NDUFA12: variants seen among roughly 807,000 people sequenced by gnomAD.
NDUFA12 encodes the protein NADH:ubiquinone oxidoreductase subunit A12.
A neutral mutation model predicts 20.3 loss-of-function variants in NDUFA12; 17 were observed. The observed-to-expected ratio is 0.84, with a 90% confidence interval of 0.57 to 1.26. NDUFA12 has a LOEUF of 1.26. Ranked by LOEUF, NDUFA12 falls within the 50% of genes most tolerant of loss-of-function variation. The pLI is 0.00. For synonymous variants in NDUFA12, 72 were observed against 63.6 expected (o/e 1.13, Z -0.63); for missense variants, 191 against 183.7 (o/e 1.04, Z -0.23).
At position 94,971,828 on chromosome 12, in the gene NDUFA12, T is replaced by C. The variant is rs778637412; in HGVS notation, c.258-208A>G. ...ATGGTATAAACATAAAAGGAGATAA[T>C]AGACATAAAGCACATAGAAAAATTC... On this transcript the variant is annotated intron_variant, in intron 3 of 3. Coordinates refer to ENST00000327772, the MANE Select transcript of NDUFA12 (RefSeq NM_018838.5). The C allele has an allele frequency of 4.4e-5, 33 of 749,778 alleles. No individual in the cohort carries two copies. In the Admixed American group the frequency reaches 5.0e-4, roughly 11 times the overall value. 46.4% of individuals were successfully genotyped at this position (749,778 alleles called of 1,614,324 possible).
chr12:94,978,727 G>A (rs993913537), intron 3 of NDUFA12, among the ~76,000 whole-genome samples: 8 of 152,130 alleles, frequency 5.3e-5, no homozygotes, highest in Admixed American at 1.3e-4. Context: ...TATGCAAAAA[G>A]TAATTCAATT....
chr12:94,985,976 TC>T (rs1874423205), intron 3 of NDUFA12, among the ~76,000 whole-genome samples: 1 of 151,990 alleles, frequency 6.6e-6, no homozygotes, highest in African/African-American at 2.4e-5. Context: ...TCCTAGCTAC[TC>T]AGGAGGCTGA....
intron 3 of NDUFA12, among the ~76,000 whole-genome samples, chr12:94,980,746 A>G (rs1300140136): frequency 6.6e-6 from 1 of 152,168 alleles, no homozygotes; most frequent in Non-Finnish European, 1.5e-5. Context: ...AAATGAACAG[A>G]AAGTGCCACC....
chr12:95,000,290 A>G (rs1331695599), intron 2 of NDUFA12, among the ~76,000 whole-genome samples: 1 of 152,174 alleles, frequency 6.6e-6, no homozygotes, highest in East Asian at 1.9e-4. Flanking sequence ...ATGCCAAGGT[A>G]TAAGAATGAT....
chr12:95,002,345 G>A (rs1417492335), intron 2 of NDUFA12, among the ~76,000 whole-genome samples: 1 of 150,314 alleles, frequency 6.7e-6, no homozygotes, highest in African/African-American at 2.5e-5. Flanking sequence ...GGCAGGCTGA[G>A]GCAGGAGAAT....
chr12:94,987,020 G>A (rs1874467128), intron 3 of NDUFA12, among the ~76,000 whole-genome samples: 4 of 152,110 alleles, frequency 2.6e-5, no homozygotes, highest in Admixed American at 2.6e-4. Context: ...ACCTCAAAGT[G>A]TCTCCCCACA....
intron 2 of NDUFA12, among the ~76,000 whole-genome samples, chr12:95,002,194 C>A (rs1211835622): frequency 6.6e-6 from 1 of 151,074 alleles, no homozygotes; most frequent in South Asian, 2.1e-4. Flanking sequence ...GTAATCCCAG[C>A]ACTTTGGGGG....
At chr12:94,978,726 AG>A (rs1218572802) in intron 3 of NDUFA12, among the ~76,000 whole-genome samples, 13 of 152,354 alleles carry the variant, frequency 8.5e-5, no homozygotes, top group African/African-American at 3.1e-4. Context: ...TTATGCAAAA[AG>A]TAATTCAATT....
At position 94,971,769 on chromosome 12, in the gene NDUFA12, A is replaced by G. The variant is rs765528906; in HGVS notation, c.258-149T>C. 4.5e-6 allele frequency: 4 copies of G among 884,224 alleles called. No individual in the cohort carries two copies. The Admixed American group carries it at 6.8e-5, about 15-fold the overall frequency. The allele number at this position is 884,224 out of a possible 1,614,324, so 54.8% of individuals were successfully genotyped here. ...CTAGCTGAATTCTTCTATGCCTTAG[A>G]TTTTTTCCATCTGAACATCCCTACT... On this transcript the variant is annotated intron_variant, in intron 3 of 3. Coordinates refer to ENST00000327772, the MANE Select transcript of NDUFA12 (RefSeq NM_018838.5).
At chr12:94,983,429 G>A (rs1159937782) in intron 3 of NDUFA12, among the ~76,000 whole-genome samples, 1 of 152,136 alleles carries the variant, frequency 6.6e-6, no homozygotes, top group Non-Finnish European at 1.5e-5. Context: ...GTCAAGAGGT[G>A]GCCTGTGCAG....
Position 95,003,598 on chromosome 12 carries a change from A to G in NDUFA12, c.83T>C (p.Phe28Ser), listed in dbSNP as rs777738865. The G allele has an allele frequency of 6.2e-7, 1 of 1,614,030 alleles. No individual in the cohort carries two copies. Among genetic ancestry groups the G allele is most frequent in the South Asian group, 1.1e-5 (1 of 91,078 alleles). ...GAGCATGGCTCTGGCCGCCTACCTGAAAAAAACCCGTAGATAGCCTCGGAG... is the reference window on the plus strand; with the variant it reads ...GAGCATGGCTCTGGCCGCCTACCTGGAAAAAACCCGTAGATAGCCTCGGAG... ...GGLRGYLRVF[F>S]RTNDAKVGTL... is the part of the protein sequence containing the mutation. Residue 28 changes from phenylalanine to serine, a missense_variant, in exon 1 of 4, where the codon TTC (phenylalanine) becomes TCC (serine). Coordinates refer to ENST00000327772, the MANE Select transcript of NDUFA12 (RefSeq NM_018838.5).
At chr12:94,997,014 T>C in intron 2 of NDUFA12, 2 of 338,220 alleles carry the variant, frequency 5.9e-6, no homozygotes, top group South Asian at 4.9e-5. Context: ...TCTTAAAATC[T>C]ATTCTAGGTC....
At chr12:94,991,317 G>C (rs529111323) in intron 3 of NDUFA12, among the ~76,000 whole-genome samples, 1 of 151,906 alleles carries the variant, frequency 6.6e-6, no homozygotes, top group African/African-American at 2.4e-5. Context: ...TGGGCCACAC[G>C]TGGCAAGTGG....
intron 2 of NDUFA12, chr12:94,997,460 T>G (rs1368051235): frequency 6.6e-6 from 1 of 152,212 alleles, no homozygotes; most frequent in Non-Finnish European, 1.5e-5. Context: ...TTTTTTCACG[T>G]TATACATTGT....
chr12:94,975,999 G>A (rs1383072845), intron 3 of NDUFA12, among the ~76,000 whole-genome samples: 1 of 152,056 alleles, frequency 6.6e-6, no homozygotes, highest in African/African-American at 2.4e-5. Context: ...AGCCATGATC[G>A]TGCCTGGACA....
At position 94,974,946 on chromosome 12, in the gene NDUFA12, G is replaced by C. The variant is rs185230614; in HGVS notation, c.258-3326C>G. 9.8e-4 allele frequency among the ~76,000 whole-genome samples: 149 copies of C among 152,238 alleles called. 1 individual carries two copies. Among genetic ancestry groups the C allele is most frequent in the African/African-American group, 3.5e-3 (145 of 41,548 alleles). ...AAAGAATGAATAAGACCTAGTATTT[G>C]ACAGCACAACACAGTGACTATAGTC... On this transcript the variant is annotated intron_variant, in intron 3 of 3. Transcript: ENST00000327772.
At chr12:94,975,861 C>T (rs1208971643) in intron 3 of NDUFA12, among the ~76,000 whole-genome samples, 3 of 152,078 alleles carry the variant, frequency 2.0e-5, no homozygotes, top group Admixed American at 2.0e-4. Flanking sequence ...CCAGCCTGGG[C>T]AACATGAGAC....
intron 1 of NDUFA12, 45 bp downstream of exon 1, chr12:95,003,549 CG>C (rs1234966630): frequency 6.3e-7 from 1 of 1,594,130 alleles, no homozygotes; most frequent in Non-Finnish European, 8.6e-7. Context: ...AATCAGCCAG[CG>C]AAAGTCCAGC....
At chr12:94,973,969 T>C (rs1265718732) in intron 3 of NDUFA12, among the ~76,000 whole-genome samples, 1 of 49,798 alleles carries the variant, frequency 2.0e-5, no homozygotes, top group African/African-American at 5.6e-5. Flanking sequence ...CTCTTGGGTC[T>C]TTTTTTTTTT....
Sources: gnomAD v4.1 joint callset for allele counts (sites outside exome capture counted in the v4.1 genomes callset) on GRCh38, gnomAD v4.1.1 for gene constraint, MANE v1.5 for transcripts, NCBI Gene and HGNC (gene_info 2026-07-23, HGNC 2026-07-21) for gene names.